TBCD: variants seen among roughly 807,000 people sequenced by gnomAD.
The protein encoded by TBCD is tubulin-specific chaperone D.
A neutral mutation model predicts 169.3 loss-of-function variants in TBCD; 105 were observed. The observed-to-expected ratio is 0.62, with a 90% CI of 0.53 to 0.73. The LOEUF (loss-of-function observed/expected upper bound fraction) is 0.73. Among genes scored for constraint, TBCD ranks in the 30% least tolerant of loss-of-function variants. The pLI is 0.00. For synonymous variants in TBCD, 700 were observed against 643.9 expected, an observed-to-expected ratio of 1.09 and a Z score of -1.32; for missense variants, 1,444 against 1,600.1, an observed-to-expected ratio of 0.90 and a Z score of 1.66.
At chr17:82,927,141 G>C (rs1463958866) in intron 28 of TBCD, 45 bp from the exon 29 acceptor site, 3 of 1,611,302 alleles carry the variant, frequency 1.9e-6, no homozygotes, top group Non-Finnish European at 2.5e-6. Context: ...TGGAAGATGA[G>C]GCTCACCGAT....
chr17:82,926,995 A>G, intron 28 of TBCD, 191 bp from the exon 29 acceptor site: 2 of 765,282 alleles, frequency 2.6e-6, no homozygotes, highest in East Asian at 5.6e-5. Flanking sequence ...GAGACGGCAG[A>G]GCGTGACCTC....
At chr17:82,771,105 G>A (rs1266708848) in intron 5 of TBCD, among the ~76,000 whole-genome samples, 2 of 148,632 alleles carry the variant, frequency 1.3e-5, no homozygotes, top group African/African-American at 5.0e-5. Flanking sequence ...TAAGTGTATC[G>A]TTATGGGAAA....
At chr17:82,815,520 G>T (rs1281116783) in intron 13 of TBCD, among the ~76,000 whole-genome samples, 1 of 152,250 alleles carries the variant, frequency 6.6e-6, no homozygotes, top group East Asian at 1.9e-4. Context: ...GGGACAGAGG[G>T]CACAGCATGG....
rs1003866509 is a variant in TBCD at position 82,835,319 on chromosome 17, CA to C, written c.1318+20386del. Among the ~76,000 whole-genome samples the C allele has an allele frequency of 6.6e-6, 1 of 152,170 alleles. No homozygotes were observed. The highest frequency in any genetic ancestry group is 2.4e-5 in the African/African-American group (1 of 41,448). On this transcript the variant is annotated intron_variant, in intron 13 of 38. Transcript: ENST00000355528. This position sits in a 1 kb window ranked among gnomAD's most constrained non-coding sequence, Gnocchi z 4.5. ...GTCCTTCCTCCCACACGCCAGGGGC[CA>C]GGGGTGGTGGCTGGGCTTTCATATG...
chr17:82,830,000 T>G, intron 13 of TBCD: 6 of 1,185,902 alleles, frequency 5.1e-6, no homozygotes, highest in Non-Finnish European at 6.8e-6. Flanking sequence ...GGGTTTTTTG[T>G]TTGTTTGTTT....
At chr17:82,805,407 A>G (rs1412111691) in intron 9 of TBCD, among the ~76,000 whole-genome samples, 2 of 151,986 alleles carry the variant, frequency 1.3e-5, no homozygotes, top group African/African-American at 2.4e-5. Context: ...CTGCCTTTTG[A>G]GGGGCATTCG....
intron 3 of TBCD, among the ~76,000 whole-genome samples, chr17:82,765,596 A>G (rs589978): frequency 0.4 from 60,056 of 151,960 alleles, 11,928 homozygotes; most frequent in Middle Eastern, 0.42. Context: ...ACTGCGGGTG[A>G]GCTGCCAAGG....
chr17:82,907,809 G>A lies in TBCD; in HGVS notation c.1971G>A (p.Gln657=). ...AGCAGGCAGTGCAGGGCCTGAAGCA[G>A]ATTCACCAGCAGGTTTGTGTGCAGC... is the stretch of plus-strand genomic sequence containing the variant. ...LDEQAVQGLK[Q]IHQQLYDRQL... The change falls in exon 21 of 39, where the codon CAG becomes CAA. Residue 657 remains glutamine, a synonymous_variant. Transcript: ENST00000355528. 5 of 1,613,548 alleles carry A rather than the reference G, an allele frequency of 3.1e-6. No homozygotes were observed. The highest frequency in any genetic ancestry group is 4.2e-6 in the Non-Finnish European group (5 of 1,179,688).
intron 5 of TBCD, among the ~76,000 whole-genome samples, chr17:82,769,715 A>G (rs577241351): frequency 6.6e-6 from 1 of 151,936 alleles, no homozygotes; most frequent in Non-Finnish European, 1.5e-5. Flanking sequence ...TGTGTCTACT[A>G]AAAATACAAA....
intron 14 of TBCD, among the ~76,000 whole-genome samples, chr17:82,870,864 A>G (rs1445490595): frequency 6.6e-6 from 1 of 152,246 alleles, no homozygotes; most frequent in East Asian, 1.9e-4. Context: ...CATGTTGGAC[A>G]TGGCAGTCTT....
intron 2 of TBCD, among the ~76,000 whole-genome samples, chr17:82,763,565 AC>A (rs536771582): frequency 9.5e-4 from 145 of 151,834 alleles, no homozygotes; most frequent in African/African-American, 2.7e-3. Context: ...ACATGGTGAA[AC>A]CCCGTCTCTA....
chr17:82,906,004 T>G lies in TBCD; in HGVS notation c.1873T>G (p.Cys625Gly). The G allele has an allele frequency of 6.2e-7, 1 of 1,612,958 alleles. No individual in the cohort carries two copies. Among genetic ancestry groups the G allele is most frequent in the South Asian group, 1.1e-5 (1 of 90,668 alleles). Residue 625 changes from cysteine to glycine, a missense_variant, in exon 20 of 39, where the codon TGC (cysteine) becomes GGC (glycine). Physicochemically the swap from Cys to Gly is radical, Grantham distance 159 (BLOSUM62 -3). Coordinates refer to ENST00000355528, the MANE Select transcript of TBCD (RefSeq NM_005993.5). ...CATGAGGCATGGGTCGATTCTCGCCTGCGCAGAAGTTGCTTACGCCTTGTA... is the reference window on the plus strand; with the variant it reads ...CATGAGGCATGGGTCGATTCTCGCCGGCGCAGAAGTTGCTTACGCCTTGTA... ...LHMRHGSILACAEVAYALYKL... is the reference protein window; with the variant it reads ...LHMRHGSILAGAEVAYALYKL...
At chr17:82,849,951 GCCTGTGCT>G (rs1485850064) in intron 13 of TBCD, among the ~76,000 whole-genome samples, 16 of 149,090 alleles carry the variant, frequency 1.1e-4, no homozygotes, top group African/African-American at 4.0e-4. Context: ...TGCTGTTGTT[GCCTGTGCT>G]GCTGTTGGCT....
Position 82,781,646 on chromosome 17 carries a change from C to G in TBCD, c.696C>G (p.Ser232Arg), listed in dbSNP as rs1425258350. ...AGATGGCTGAGTTCCTGGACTGGAG[C>G]CTGTGCAATCTGGCCCGTTCCTCCT... is the stretch of plus-strand genomic sequence containing the variant. ...QSKMAEFLDW[S>R]LCNLARSSFQ... Residue 232 changes from serine to arginine, a missense_variant, in exon 7 of 39, where the codon AGC becomes AGG. Physicochemically the swap from Ser to Arg is moderately radical, Grantham distance 110. Coordinates refer to ENST00000355528, the MANE Select transcript of TBCD (RefSeq NM_005993.5). The G allele has an allele frequency of 6.2e-7, 1 of 1,613,690 alleles. No homozygotes were observed. Among genetic ancestry groups the G allele is most frequent in the Non-Finnish European group, 8.5e-7 (1 of 1,179,874 alleles).
At chr17:82,761,416 C>T (rs192689169) in intron 2 of TBCD, among the ~76,000 whole-genome samples, 1 of 152,172 alleles carries the variant, frequency 6.6e-6, no homozygotes, top group East Asian at 1.9e-4. Flanking sequence ...AAAATGCACC[C>T]ATTTTAGTAA....
At chr17:82,875,568 C>T (rs1368990390) in intron 14 of TBCD, among the ~76,000 whole-genome samples, 6 of 152,356 alleles carry the variant, frequency 3.9e-5, no homozygotes, top group Non-Finnish European at 5.9e-5. Flanking sequence ...CTCTGACTTT[C>T]GGCCTCCACC....
At chr17:82,934,889 C>T (rs569451955) in intron 34 of TBCD, among the ~76,000 whole-genome samples, 1 of 152,184 alleles carries the variant, frequency 6.6e-6, no homozygotes, top group South Asian at 2.1e-4. Flanking sequence ...ACTTGAGCTC[C>T]GGAGTTTGAG....
intron 17 of TBCD, among the ~76,000 whole-genome samples, chr17:82,898,722 T>A (rs2059665110): frequency 6.6e-6 from 1 of 152,252 alleles, no homozygotes; most frequent in Middle Eastern, 3.4e-3. Context: ...AGGGATCGAT[T>A]TCTTCTGTGG....
At chr17:82,766,435 A>C (rs1438261154) in intron 4 of TBCD, 67 bp downstream of exon 4, 6 of 989,898 alleles carry the variant, frequency 6.1e-6, no homozygotes, top group Non-Finnish European at 9.3e-6. Flanking sequence ...TGCTTGCCCC[A>C]CCCTGCTGCA....
Sources: allele counts gnomAD v4.1 joint callset (sites outside exome capture counted in the v4.1 genomes callset), GRCh38; gene constraint gnomAD v4.1.1; non-coding constraint Gnocchi (gnomAD v3.1); transcripts MANE v1.5; gene names NCBI Gene and HGNC (gene_info 2026-07-23, HGNC 2026-07-21).